Variants in TMEM38A observed in about 807,000 individuals in gnomAD.
TMEM38A encodes trimeric intracellular cation channel type A.
A neutral mutation model predicts 28.6 loss-of-function variants in TMEM38A; 17 were observed. The observed-to-expected ratio is 0.60, with a 90% CI of 0.41 to 0.89. The LOEUF (loss-of-function observed/expected upper bound fraction) is 0.89, where lower values mean the gene tolerates loss of function less well. TMEM38A is among the 40% of genes least tolerant of loss of function. The pLI, the probability that TMEM38A is intolerant of heterozygous loss-of-function variation, is 0.00. For synonymous variants in TMEM38A, 169 were observed against 166.1 expected, an observed-to-expected ratio of 1.02 and a Z score of -0.14; for missense variants, 328 against 393.1, an observed-to-expected ratio of 0.83 and a Z score of 1.40.
intron 4 of TMEM38A, among the ~76,000 whole-genome samples, chr19:16,683,786 C>T (rs1356286365): frequency 6.6e-6 from 1 of 151,794 alleles, no homozygotes; most frequent in African/African-American, 2.4e-5. Context: ...GCCTGACCAA[C>T]ATAGAGAAAC....
intron 1 of TMEM38A, among the ~76,000 whole-genome samples, chr19:16,677,050 C>T (rs566639137): frequency 4.7e-5 from 7 of 148,358 alleles, no homozygotes; most frequent in Admixed American, 6.8e-5. Context: ...CATGAGCCAC[C>T]GTGCCCAGCC....
rs1487200199 is a variant in TMEM38A, at chr19:16,689,514, G to C, written c.*1143G>C. The C allele has an allele frequency of 6.6e-6, 1 of 152,136 alleles. No individual in the cohort carries two copies. Among genetic ancestry groups the C allele is most frequent in the Non-Finnish European group, 1.5e-5 (1 of 68,046 alleles). 9.4% of individuals were successfully genotyped at this position (152,136 alleles called of 1,614,324 possible). On this transcript the variant is annotated 3_prime_UTR_variant, in exon 6 of 6. Coordinates refer to ENST00000187762, the MANE Select transcript of TMEM38A (RefSeq NM_024074.4). ...AAGGCTTGTGATCTGTTCGTCTCAGGCTCCCCCTAAACCAAAGAAATGGAA... is the reference window on the plus strand; with the variant it reads ...AAGGCTTGTGATCTGTTCGTCTCAGCCTCCCCCTAAACCAAAGAAATGGAA...
At chr19:16,664,763 A>C (rs1381251909) in intron 1 of TMEM38A, among the ~76,000 whole-genome samples, 1 of 151,852 alleles carries the variant, frequency 6.6e-6, no homozygotes, top group Non-Finnish European at 1.5e-5. Flanking sequence ...TGTGGTCCTC[A>C]ACAGAGCAGC....
At chr19:16,683,344 T>G (rs1331836998) in intron 4 of TMEM38A, among the ~76,000 whole-genome samples, 1 of 151,868 alleles carries the variant, frequency 6.6e-6, no homozygotes, top group African/African-American at 2.4e-5. Flanking sequence ...ATCTCTGCAC[T>G]TTGGGAGGCC....
At chr19:16,671,838 G>A (rs559277983) in intron 1 of TMEM38A, among the ~76,000 whole-genome samples, 16 of 152,284 alleles carry the variant, frequency 1.1e-4, no homozygotes, top group Admixed American at 7.9e-4. Flanking sequence ...CCCCAACCTC[G>A]GTCCCTGGGA....
At chr19:16,687,860 GC>G (rs1262952442) in intron 5 of TMEM38A, among the ~76,000 whole-genome samples, 1 of 152,170 alleles carries the variant, frequency 6.6e-6, no homozygotes, top group Non-Finnish European at 1.5e-5. Context: ...TTTTCTCTGA[GC>G]CCAGGTGTCG....
rs951518938 is a variant in TMEM38A, at chr19:16,680,489, T to C, written c.374T>C (p.Val125Ala). Residue 125 changes from valine to alanine, a missense_variant, in exon 3 of 6, where the codon GTG becomes GCG. Physicochemically the swap from Val to Ala is moderately conservative, Grantham distance 64 (BLOSUM62 0). Transcript: ENST00000187762. ...KLIFVAMKEV[V>A]RVRKIAVGIH... ...ATCTTCGTGGCCATGAAGGAGGTGG[T>C]GCGAGTCCGCAAGATCGCGGTGGGC... The C allele has an allele frequency of 6.2e-6, 10 of 1,614,074 alleles. No individual in the cohort carries two copies. In the African/African-American group the frequency reaches 1.3e-4, roughly 22 times the overall value.
chr19:16,670,181 GCTGATCTCGAATT>G (rs1302307141), intron 1 of TMEM38A, among the ~76,000 whole-genome samples: 1 of 151,438 alleles, frequency 6.6e-6, no homozygotes, highest in Non-Finnish European at 1.5e-5. Context: ...TATTGGCCAG[GCTGATCTCGAATT>G]CCTGACCTTG....
intron 1 of TMEM38A, among the ~76,000 whole-genome samples, chr19:16,665,006 C>T (rs1267674740): frequency 2.0e-5 from 3 of 151,072 alleles, no homozygotes; most frequent in Non-Finnish European, 3.0e-5. Context: ...ATAAAAAATA[C>T]AAAAATGGCT....
chr19:16,686,284 C>G lies in TMEM38A; in HGVS notation c.555-4C>G, dbSNP rs1328313823. The G allele has an allele frequency of 6.2e-7, 1 of 1,611,084 alleles. No homozygotes were observed. On this transcript the variant is annotated splice_region_variant and splice_polypyrimidine_tract_variant and intron_variant, in intron 4 of 5. Transcript: ENST00000187762. ...CTCCCGGTAATGACAGCTGCTCCCTCCAGCCCCACCAAGGCCAGCCTGTAT... is the reference window on the plus strand; with the variant it reads ...CTCCCGGTAATGACAGCTGCTCCCTGCAGCCCCACCAAGGCCAGCCTGTAT...
At chr19:16,685,383 C>T (rs1261411206) in intron 4 of TMEM38A, among the ~76,000 whole-genome samples, 2 of 152,024 alleles carry the variant, frequency 1.3e-5, no homozygotes. Flanking sequence ...GAGACTCTGA[C>T]TCATACACAA....
At chr19:16,676,492 G>A (rs1396234300) in intron 1 of TMEM38A, among the ~76,000 whole-genome samples, 1 of 152,154 alleles carries the variant, frequency 6.6e-6, no homozygotes, top group African/African-American at 2.4e-5. Flanking sequence ...GTACAGAGTA[G>A]CTGTACCTTA....
At chr19:16,686,856 T>C (rs2633336) in intron 5 of TMEM38A, among the ~76,000 whole-genome samples, 121,601 of 152,026 alleles carry the variant, frequency 0.8, 50,701 homozygotes, top group East Asian at 0.92. Context: ...CTTCCCTGGG[T>C]GAGGACTCCA....
At chr19:16,666,123 G>C (rs1298248306) in intron 1 of TMEM38A, among the ~76,000 whole-genome samples, 1 of 152,062 alleles carries the variant, frequency 6.6e-6, no homozygotes. Context: ...TGGGATTACA[G>C]ACACGCGCCA....
intron 1 of TMEM38A, among the ~76,000 whole-genome samples, chr19:16,663,262 CAG>C (rs2086689813): frequency 6.7e-6 from 1 of 150,222 alleles, no homozygotes; most frequent in Non-Finnish European, 1.5e-5. Flanking sequence ...GCCTGGGCGA[CAG>C]AGCAAGACTC....
At chr19:16,680,786 A>T in intron 3 of TMEM38A, 1 of 574,854 alleles carries the variant, frequency 1.7e-6, no homozygotes, top group Non-Finnish European at 3.1e-6. Flanking sequence ...TGTCAGGGGT[A>T]CCTAAGACAG....
chr19:16,684,124 T>A (rs1444725355), intron 4 of TMEM38A, among the ~76,000 whole-genome samples: 1 of 151,120 alleles, frequency 6.6e-6, no homozygotes, highest in Non-Finnish European at 1.5e-5. Context: ...AGCAAGACTC[T>A]GTCTCAAAGA....
chr19:16,661,313 C>T lies in TMEM38A; in HGVS notation c.96C>T (p.Val32=), dbSNP rs1330107970. The part of the protein sequence containing the change: ...FPVFDLSYFI[V]SILYLKYEPG... Reference sequence around the variant, plus strand: ...TCTTCGACCTCAGTTACTTCATCGTCTCCATCCTCTACCTCAAGTATGAGC... The same window carrying T: ...TCTTCGACCTCAGTTACTTCATCGTTTCCATCCTCTACCTCAAGTATGAGC... Residue 32 remains valine (V), a synonymous_variant, in exon 1 of 6, where the codon GTC becomes GTT. Coordinates refer to ENST00000187762, the MANE Select transcript of TMEM38A (RefSeq NM_024074.4). This position sits in a 1 kb window ranked among gnomAD's most constrained non-coding sequence, Gnocchi z 6.5. 1.1e-5 allele frequency: 18 copies of T among 1,596,842 alleles called. No individual in the cohort carries two copies. Among genetic ancestry groups the T allele is most frequent in the South Asian group, 2.2e-5 (2 of 89,070 alleles).
chr19:16,680,768 A>G lies in TMEM38A; in HGVS notation c.466+187A>G, dbSNP rs1279447477. 4 of 599,122 alleles carry G rather than the reference A, an allele frequency of 6.7e-6. No homozygotes were observed. In the African/African-American group the frequency reaches 7.4e-5, roughly 11 times the overall value. The allele number at this position is 599,122 out of a possible 1,614,324, so 37.1% of individuals were successfully genotyped here. A position where few individuals can be genotyped will look rare whatever the true frequency, so the allele number is the denominator to read the frequency against. On this transcript the variant is annotated intron_variant, in intron 3 of 5. Transcript: ENST00000187762. ...GGGTAAATGGGAAGATTCTTCTAGA[A>G]ATGTTACTGTCAGGGGTACCTAAGA...
Sources: allele counts gnomAD v4.1 joint callset (sites outside exome capture counted in the v4.1 genomes callset), GRCh38; gene constraint gnomAD v4.1.1; non-coding constraint Gnocchi (gnomAD v3.1); transcripts MANE v1.5; gene names NCBI Gene and HGNC (gene_info 2026-07-23, HGNC 2026-07-21).